Variants in HMGA2 observed in about 807,000 individuals in gnomAD.
HMGA2 encodes high mobility group AT-hook 2.
A neutral mutation model predicts 19.1 loss-of-function variants in HMGA2; 8 were observed. The ratio of observed to expected loss-of-function variants is 0.42; its 90% CI spans 0.25 to 0.76. The LOEUF (loss-of-function observed/expected upper bound fraction) is 0.76. Ranked by LOEUF, HMGA2 falls within the 30% of genes least tolerant of loss-of-function variation. HMGA2 has a pLI of 0.28. For synonymous variants in HMGA2, 60 were observed against 48.8 expected (o/e 1.23, Z -0.96); for missense variants, 109 against 136.3 (o/e 0.80, Z 1.00).
intron 3 of HMGA2, among the ~76,000 whole-genome samples, chr12:65,864,895 G>C (rs1323838857): frequency 1.3e-5 from 2 of 152,054 alleles, no homozygotes; most frequent in Non-Finnish European, 2.9e-5. Context: ...GAGCTGGACG[G>C]GTCCACTTAT....
At chr12:65,867,372 G>T (rs1483302109) in intron 3 of HMGA2, 3 of 359,438 alleles carry the variant, frequency 8.3e-6, no homozygotes, top group Non-Finnish European at 1.7e-5. Context: ...GGAACTTCTA[G>T]GAACTTAATC....
intron 3 of HMGA2, among the ~76,000 whole-genome samples, chr12:65,865,786 C>T (rs570143221): frequency 4.8e-4 from 73 of 151,902 alleles, no homozygotes; most frequent in Non-Finnish European, 9.0e-4. Flanking sequence ...AGGCACCTGC[C>T]ACCACGCCCG....
chr12:65,950,182 A>C (rs941340759), intron 3 of HMGA2, among the ~76,000 whole-genome samples: 2 of 152,238 alleles, frequency 1.3e-5, no homozygotes, highest in African/African-American at 4.8e-5. Flanking sequence ...GAATTACAAT[A>C]TGAACCAGCG....
At chr12:65,861,006 A>C (rs1051067307) in intron 3 of HMGA2, among the ~76,000 whole-genome samples, 1 of 152,202 alleles carries the variant, frequency 6.6e-6, no homozygotes, top group Non-Finnish European at 1.5e-5. Context: ...GAACTGGAAA[A>C]AGATGTGTCT....
At chr12:65,887,973 T>C (rs922942535) in intron 3 of HMGA2, among the ~76,000 whole-genome samples, 1 of 151,996 alleles carries the variant, frequency 6.6e-6, no homozygotes, top group Non-Finnish European at 1.5e-5. Flanking sequence ...GTCTTTTAGA[T>C]GATTGCATTA....
At chr12:65,916,160 G>C (rs1210132888) in intron 3 of HMGA2, among the ~76,000 whole-genome samples, 3 of 152,146 alleles carry the variant, frequency 2.0e-5, no homozygotes, top group Non-Finnish European at 4.4e-5. Context: ...CATTTTCCAG[G>C]GCTCAACCAA....
At chr12:65,959,446 CTG>C (rs1876688950) in intron 4 of HMGA2, among the ~76,000 whole-genome samples, 1 of 152,204 alleles carries the variant, frequency 6.6e-6, no homozygotes, top group Non-Finnish European at 1.5e-5. Flanking sequence ...CTGCCCACCC[CTG>C]TTCCCCACTC....
intron 3 of HMGA2, chr12:65,856,477 G>A: frequency 6.6e-6 from 1 of 152,376 alleles, no homozygotes; most frequent in Non-Finnish European, 1.5e-5. Flanking sequence ...CCTGTAGCGA[G>A]CCGCTTCCTC....
At chr12:65,910,684 T>C (rs1217894748) in intron 3 of HMGA2, among the ~76,000 whole-genome samples, 2 of 152,208 alleles carry the variant, frequency 1.3e-5, no homozygotes, top group African/African-American at 2.4e-5. Flanking sequence ...CCTCAGACAC[T>C]TTTTACAGTT....
At chr12:65,864,627 T>C (rs1183152426) in intron 3 of HMGA2, among the ~76,000 whole-genome samples, 5 of 152,200 alleles carry the variant, frequency 3.3e-5, no homozygotes, top group Admixed American at 3.3e-4. Flanking sequence ...TTAAATTCAT[T>C]AACATTACTA....
chr12:65,901,686 C>T (rs1362462396), intron 3 of HMGA2, among the ~76,000 whole-genome samples: 5 of 152,164 alleles, frequency 3.3e-5, no homozygotes, highest in Non-Finnish European at 7.3e-5. Context: ...TTATAATACA[C>T]TTATGAATAT....
rs1450654730 is a variant in HMGA2, at chr12:65,850,907, A to G, written c.249+12338A>G. 2.6e-5 allele frequency among the ~76,000 whole-genome samples: 4 copies of G among 152,170 alleles called. No individual in the cohort carries two copies. In the East Asian group the frequency reaches 7.7e-4, roughly 29 times the overall value. ...GTTTAATCGTCTTTCCTGTGACAGGAGGGTCTTCATGTATTCAACCTAGAA... is the reference window on the plus strand; with the variant it reads ...GTTTAATCGTCTTTCCTGTGACAGGGGGGTCTTCATGTATTCAACCTAGAA... On this transcript the variant is annotated intron_variant, in intron 3 of 4. Transcript: ENST00000403681.
rs549956604 is a variant in HMGA2, at chr12:65,888,031, C to T, written c.249+49462C>T. On this transcript the variant is annotated intron_variant, in intron 3 of 4. Transcript: ENST00000403681. ...TCCATCTCTCTCATACACACACACTCACACACACAGACACACACAAACCCC... is the reference window on the plus strand; with the variant it reads ...TCCATCTCTCTCATACACACACACTTACACACACAGACACACACAAACCCC... 4.6e-5 allele frequency among the ~76,000 whole-genome samples: 7 copies of T among 152,262 alleles called. No individual in the cohort carries two copies. In the East Asian group the frequency reaches 1.4e-3, roughly 29 times the overall value.
chr12:65,832,007 G>T (rs1319651848), intron 2 of HMGA2, among the ~76,000 whole-genome samples: 1 of 151,834 alleles, frequency 6.6e-6, no homozygotes, highest in Non-Finnish European at 1.5e-5. Flanking sequence ...CAATGGGCAG[G>T]TAAGTTTTAT....
intron 3 of HMGA2, among the ~76,000 whole-genome samples, chr12:65,921,369 C>T (rs2121241558): frequency 6.6e-6 from 1 of 152,290 alleles, no homozygotes; most frequent in South Asian, 2.1e-4. Context: ...ACGCCATTCT[C>T]CTGCCTCAGC....
Position 65,824,727 on chromosome 12 carries a change from C to CTCTCTG in HMGA2, c.-539_-538insGTCTCT, listed in dbSNP as rs1477057958. 8.6e-3 allele frequency: 1,474 copies of CTCTCTG among 172,116 alleles called. 37 individuals are homozygous for CTCTCTG. The highest frequency in any genetic ancestry group is 0.03 in the African/African-American group (887 of 29,166). The allele number at this position is 172,116 out of a possible 1,614,324, so 10.7% of individuals were successfully genotyped here. A position where few individuals can be genotyped will look rare whatever the true frequency, so the allele number is the denominator to read the frequency against. On this transcript the variant is annotated 5_prime_UTR_variant, in exon 1 of 5. Coordinates refer to ENST00000403681, the MANE Select transcript of HMGA2 (RefSeq NM_003483.6). ...ATCTCAATCTCTTCTCTCTCTCTCT[C>CTCTCTG]TCTCTCTCTCTCTCTCTCTCTCTCT...
intron 3 of HMGA2, chr12:65,842,469 A>G (rs1871042463): frequency 3.8e-6 from 3 of 797,356 alleles, no homozygotes; most frequent in Non-Finnish European, 6.1e-6. Context: ...TATATGTCAG[A>G]CTAACCAAGT....
chr12:65,952,670 G>A, intron 4 of HMGA2: 1 of 375,586 alleles, frequency 2.7e-6, no homozygotes, highest in Non-Finnish European at 4.6e-6. Flanking sequence ...ATTTTCATTA[G>A]GAGAACCCAA....
Position 65,966,226 on chromosome 12 carries a change from T to C in HMGA2, c.*2934T>C, listed in dbSNP as rs1876905865. 5.2e-6 allele frequency: 1 copy of C among 192,802 alleles called. No homozygotes were observed. The highest frequency in any genetic ancestry group is 2.3e-5 in the African/African-American group (1 of 43,110). The allele number at this position is 192,802 out of a possible 1,614,324, so 11.9% of individuals were successfully genotyped here. A position where few individuals can be genotyped will look rare whatever the true frequency, so the allele number is the denominator to read the frequency against. On this transcript the variant is annotated 3_prime_UTR_variant, in exon 5 of 5. Coordinates refer to ENST00000403681, the MANE Select transcript of HMGA2 (RefSeq NM_003483.6). ...AACATAACAGCCTCTGTGATCCCCA[T>C]GTGTTTTGATTCCTGCTCTTTGTTA... is the stretch of plus-strand genomic sequence containing the variant.
Sources: allele counts gnomAD v4.1 joint callset (sites outside exome capture counted in the v4.1 genomes callset), GRCh38; gene constraint gnomAD v4.1.1; transcripts MANE v1.5; gene names NCBI Gene and HGNC (gene_info 2026-07-23, HGNC 2026-07-21).